The following TEKT5 variants were observed in gnomAD, a reference collection of about 807,000 sequenced individuals.
TEKT5 encodes tektin-5.
TEKT5 carries 52 observed loss-of-function variants against 48.7 expected under a neutral mutation model. The ratio of observed to expected loss-of-function variants is 1.07; its 90% confidence interval spans 0.86 to 1.35. TEKT5 has a LOEUF of 1.35. TEKT5 is among the 40% of genes most tolerant of loss of function. TEKT5 has a pLI of 0.00. For synonymous variants in TEKT5, 318 were observed against 267.6 expected (o/e 1.19, Z -1.84); for missense variants, 831 against 641.6 (o/e 1.30, Z -3.19).
Position 10,689,979 on chromosome 16 carries a change from T to A in TEKT5, c.611A>T (p.Asp204Val). 2 of 1,613,962 alleles carry A rather than the reference T, an allele frequency of 1.2e-6. No individual in the cohort carries two copies. Among genetic ancestry groups the A allele is most frequent in the Non-Finnish European group, 1.7e-6 (2 of 1,179,990 alleles). The change falls in exon 2 of 7, where the codon GAT (aspartate) becomes GTT (valine). Residue 204 changes from aspartate (D) to valine (V), a missense_variant. Physicochemically the swap from Asp to Val is radical, Grantham distance 152. Transcript: ENST00000283025. ...TTTCTCCACGTTGTCATGGACCAAA[T>A]CAATCCCAATCCTCTTCTCTCGATG... Reference protein sequence around the residue: ...LYHREKRIGIDLVHDNVEKNL... With the variant: ...LYHREKRIGIVLVHDNVEKNL...
intron 5 of TEKT5, among the ~76,000 whole-genome samples, chr16:10,652,868 C>G (rs62025790): frequency 3.4e-5 from 2 of 58,436 alleles, no homozygotes; most frequent in Non-Finnish European, 5.5e-5. Context: ...CACACACACA[C>G]ACCCTCCAGG....
At chr16:10,647,366 G>A (rs534791298) in intron 5 of TEKT5, among the ~76,000 whole-genome samples, 38 of 151,984 alleles carry the variant, frequency 2.5e-4, no homozygotes, top group African/African-American at 8.7e-4. Flanking sequence ...CAGCTACTCA[G>A]GAGGCTGAGG....
chr16:10,634,623 G>A (rs1484040976), intron 6 of TEKT5, among the ~76,000 whole-genome samples: 1 of 152,180 alleles, frequency 6.6e-6, no homozygotes. Context: ...CTAAAGAAGA[G>A]CATGCAGAAA....
intron 5 of TEKT5, among the ~76,000 whole-genome samples, chr16:10,656,545 A>G (rs2541523): frequency 0.42 from 64,261 of 152,000 alleles, 16,603 homozygotes; most frequent in African/African-American, 0.74. Context: ...GAGCCACCAC[A>G]CCCAGCCATC....
intron 5 of TEKT5, among the ~76,000 whole-genome samples, chr16:10,665,238 G>A (rs565402544): frequency 2.0e-5 from 3 of 152,274 alleles, no homozygotes; most frequent in South Asian, 2.1e-4. Flanking sequence ...GAATGCTGGG[G>A]CATAACATTA....
chr16:10,648,968 G>A (rs1008969854), intron 5 of TEKT5, among the ~76,000 whole-genome samples: 3 of 152,086 alleles, frequency 2.0e-5, no homozygotes, highest in Non-Finnish European at 2.9e-5. Context: ...TTTATTTTTA[G>A]AGACAAGTTC....
At position 10,689,305 on chromosome 16, in the gene TEKT5, A is replaced by G. The variant is rs773595378; in HGVS notation, c.667T>C (p.Cys223Arg). The change falls in exon 3 of 7, where the codon TGT (cysteine) becomes CGT (arginine). Residue 223 changes from cysteine (C) to arginine (R), a missense_variant. By Grantham distance (180) the Cys-to-Arg change is radical. Coordinates refer to ENST00000283025, the MANE Select transcript of TEKT5 (RefSeq NM_144674.2). The part of the protein sequence containing the change: ...NLIREVDLLK[C>R]CQEQMRKLAQ... Reference sequence around the variant, plus strand: ...AATTTTCTCATCTGTTCTTGGCAACATTTTAGCAAATCCACTTCCTGAAAT... The same window carrying G: ...AATTTTCTCATCTGTTCTTGGCAACGTTTTAGCAAATCCACTTCCTGAAAT... 6 of 1,613,504 alleles carry G rather than the reference A, an allele frequency of 3.7e-6. No individual in the cohort carries two copies. Among genetic ancestry groups the G allele is most frequent in the Middle Eastern group, 1.6e-4 (1 of 6,080 alleles).
At chr16:10,632,869 GACACACACACACACAC>G (rs35503579) in intron 6 of TEKT5, among the ~76,000 whole-genome samples, 23 of 131,732 alleles carry the variant, frequency 1.7e-4, no homozygotes, top group Non-Finnish European at 3.0e-4. Flanking sequence ...CACAGATGCA[GACACACACACACACAC>G]ACACACACAC....
chr16:10,675,710 G>A (rs759077343), intron 5 of TEKT5, among the ~76,000 whole-genome samples: 1 of 151,860 alleles, frequency 6.6e-6, no homozygotes, highest in African/African-American at 2.4e-5. Flanking sequence ...GAGTGTCACA[G>A]CCTCTTGGGC....
Position 10,658,801 on chromosome 16 carries a change from T to C in TEKT5, c.1086+17158A>G, listed in dbSNP as rs909758280. On this transcript the variant is annotated intron_variant, in intron 5 of 6. Transcript: ENST00000283025. Reference sequence around the variant, plus strand: ...GGTGCCATCTCAGCTCACTGCAACCTCTGCCTCCTGGGTTCAAGCAATTCT... The same window carrying C: ...GGTGCCATCTCAGCTCACTGCAACCCCTGCCTCCTGGGTTCAAGCAATTCT... 3.9e-5 allele frequency among the ~76,000 whole-genome samples: 6 copies of C among 151,986 alleles called. No homozygotes were observed. In the South Asian group the frequency reaches 6.2e-4, roughly 16 times the overall value.
At chr16:10,675,070 C>T (rs1040451771) in intron 5 of TEKT5, among the ~76,000 whole-genome samples, 2 of 152,164 alleles carry the variant, frequency 1.3e-5, no homozygotes, top group Non-Finnish European at 2.9e-5. Context: ...AAATGATCTG[C>T]CCGCCTCAGC....
intron 5 of TEKT5, among the ~76,000 whole-genome samples, chr16:10,657,659 G>A (rs1446013276): frequency 1.3e-5 from 2 of 149,852 alleles, no homozygotes; most frequent in Non-Finnish European, 3.0e-5. Flanking sequence ...GCGCAATCTC[G>A]GCTCACTGCA....
chr16:10,675,749 G>A (rs1898633466), intron 5 of TEKT5, among the ~76,000 whole-genome samples: 1 of 152,106 alleles, frequency 6.6e-6, no homozygotes, highest in Non-Finnish European at 1.5e-5. Context: ...AGGCTTGTAA[G>A]CAAGACAAGA....
intron 5 of TEKT5, among the ~76,000 whole-genome samples, chr16:10,670,149 G>C (rs1323326988): frequency 6.6e-6 from 1 of 152,256 alleles, no homozygotes; most frequent in Admixed American, 6.5e-5. Flanking sequence ...GCATAGGTAA[G>C]GATGGGCACT....
intron 5 of TEKT5, among the ~76,000 whole-genome samples, chr16:10,667,408 A>G (rs2541511): frequency 0.34 from 51,953 of 152,046 alleles, 10,056 homozygotes; most frequent in East Asian, 0.54. Flanking sequence ...CAGGCAGCCA[A>G]CTGTTCAAAT....
intron 5 of TEKT5, among the ~76,000 whole-genome samples, chr16:10,636,862 G>A (rs567592542): frequency 4.7e-5 from 7 of 149,848 alleles, no homozygotes; most frequent in African/African-American, 1.8e-4. Context: ...TGTCGCCCAG[G>A]CTGGAGTGCA....
intron 5 of TEKT5, among the ~76,000 whole-genome samples, chr16:10,670,980 C>T (rs1197448389): frequency 1.3e-5 from 2 of 152,078 alleles, no homozygotes; most frequent in Admixed American, 6.6e-5. Flanking sequence ...TCATAGCTCA[C>T]TGCAGCATCA....
rs575002009 is a variant in TEKT5 at position 10,628,831 on chromosome 16, G to A, written c.1242-1032C>T. Among the ~76,000 whole-genome samples, 47 of 150,870 alleles carry A rather than the reference G, an allele frequency of 3.1e-4. No homozygotes were observed. In the South Asian group the frequency reaches 7.9e-3, roughly 25 times the overall value. ...TGAGGTGGGAGAAGCTCTTGAACCCGGGAGTCAGAGGTTGCAGTGAGCTGA... is the reference window on the plus strand; with the variant it reads ...TGAGGTGGGAGAAGCTCTTGAACCCAGGAGTCAGAGGTTGCAGTGAGCTGA... On this transcript the variant is annotated intron_variant, in intron 6 of 6. Transcript: ENST00000283025.
chr16:10,643,990 C>T (rs969894260), intron 5 of TEKT5, among the ~76,000 whole-genome samples: 5 of 152,070 alleles, frequency 3.3e-5, no homozygotes, highest in African/African-American at 4.8e-5. Flanking sequence ...TGCAGTGAAC[C>T]GAGGTCGCAC....
Sources: allele counts gnomAD v4.1 joint callset (sites outside exome capture counted in the v4.1 genomes callset), GRCh38; gene constraint gnomAD v4.1.1; transcripts MANE v1.5; gene names NCBI Gene and HGNC (gene_info 2026-07-23, HGNC 2026-07-21).